ABLIM1: variants seen among roughly 807,000 people sequenced by gnomAD.
The protein encoded by ABLIM1 is actin-binding LIM protein 1.
ABLIM1 carries 40 observed loss-of-function variants against 107.0 expected under a neutral mutation model. The observed-to-expected ratio is 0.37, with a 90% CI of 0.29 to 0.49. The LOEUF (loss-of-function observed/expected upper bound fraction) is 0.49. Among genes scored for constraint, ABLIM1 ranks in the 20% least tolerant of loss-of-function variants. The probability of loss-of-function intolerance (pLI) is 0.97; values close to 1 mark genes in which losing one functional copy is unlikely to be tolerated. For missense variants in ABLIM1, 857 were observed against 1,008.5 expected (o/e 0.85, Z 2.04); for synonymous variants, 357 against 357.3 (o/e 1.00, Z 0.01).
At chr10:114,617,214 G>A (rs568101489) in intron 1 of ABLIM1, among the ~76,000 whole-genome samples, 24 of 150,286 alleles carry the variant, frequency 1.6e-4, no homozygotes, top group African/African-American at 5.9e-4. Flanking sequence ...GTTGAACACT[G>A]TCTCTCTTTC....
intron 14 of ABLIM1, among the ~76,000 whole-genome samples, chr10:114,450,695 G>GCCTC (rs2061739048): frequency 6.6e-6 from 1 of 151,984 alleles, no homozygotes; most frequent in Admixed American, 6.6e-5. Context: ...ACCTGCCTCG[G>GCCTC]CCTCCCACAG....
At chr10:114,521,421 A>G (rs1489015477) in intron 6 of ABLIM1, among the ~76,000 whole-genome samples, 1 of 152,240 alleles carries the variant, frequency 6.6e-6, no homozygotes, top group African/African-American at 2.4e-5. Flanking sequence ...ACAAACAATA[A>G]TTACAACCAT....
At chr10:114,631,573 A>T (rs1360502781) in intron 1 of ABLIM1, among the ~76,000 whole-genome samples, 3 of 151,954 alleles carry the variant, frequency 2.0e-5, no homozygotes, top group Non-Finnish European at 4.4e-5. Context: ...GTGGTAAGAG[A>T]GGAAGAGAAT....
Position 114,715,088 on chromosome 10 carries a change from A to C in ABLIM1, c.-213+52973T>G, listed in dbSNP as rs117573950. 6.9e-3 allele frequency among the ~76,000 whole-genome samples: 1,048 copies of C among 152,370 alleles called. 6 individuals carry two copies. Among genetic ancestry groups the C allele is most frequent in the Middle Eastern group, 0.01 (3 of 294 alleles). On this transcript the variant is annotated intron_variant, in intron 1 of 15. Coordinates refer to the ABLIM1 transcript ENST00000651092. ...GTACATCTAAAATTTCAATAGGCTG[A>C]AAAGTTACTCATTTTTAATATAATA...
At chr10:114,724,365 T>A (rs1225447729) in intron 1 of ABLIM1, among the ~76,000 whole-genome samples, 2 of 152,142 alleles carry the variant, frequency 1.3e-5, no homozygotes, top group African/African-American at 4.8e-5. Flanking sequence ...ACAAAGGCTC[T>A]CAAATGAGAG....
chr10:114,620,465 A>G (rs1351192505), intron 1 of ABLIM1, among the ~76,000 whole-genome samples: 1 of 152,138 alleles, frequency 6.6e-6, no homozygotes, highest in East Asian at 1.9e-4. Flanking sequence ...GCTGGAGTGC[A>G]GTGGCGTGAT....
the ABLIM1 span, among the ~76,000 whole-genome samples, chr10:114,789,314 T>C: frequency 6.6e-6 from 1 of 152,130 alleles, no homozygotes; most frequent in African/African-American, 2.4e-5. Context: ...TTGACCATAC[T>C]CTGCTAATTA....
the ABLIM1 span, among the ~76,000 whole-genome samples, chr10:114,781,434 G>A: frequency 2.0e-5 from 3 of 151,828 alleles, no homozygotes; most frequent in Non-Finnish European, 2.9e-5. Flanking sequence ...AGCCTGGGAG[G>A]TGGAGGTTGC....
intron 6 of ABLIM1, among the ~76,000 whole-genome samples, chr10:114,506,441 G>T (rs2061155208): frequency 6.6e-6 from 1 of 152,184 alleles, no homozygotes; most frequent in Non-Finnish European, 1.5e-5. Context: ...TCTACATGCT[G>T]CTTTCTACAG....
At chr10:114,697,762 T>C (rs935525187) in intron 1 of ABLIM1, among the ~76,000 whole-genome samples, 8 of 152,356 alleles carry the variant, frequency 5.3e-5, no homozygotes, top group Admixed American at 3.9e-4. Context: ...CCTCATATCA[T>C]CAAGTTTTAA....
At chr10:114,553,166 G>A (rs1405452908) in intron 4 of ABLIM1, among the ~76,000 whole-genome samples, 1 of 152,176 alleles carries the variant, frequency 6.6e-6, no homozygotes, top group Non-Finnish European at 1.5e-5. Context: ...CTCTGGAAAA[G>A]AAGGCTGAGG....
chr10:114,772,919 A>G (rs1004682569), upstream of ABLIM1, among the ~76,000 whole-genome samples: 1 of 152,190 alleles, frequency 6.6e-6, no homozygotes, highest in Non-Finnish European at 1.5e-5. Context: ...AATAGAAATA[A>G]CAACTATCAA....
At chr10:114,654,656 C>T (rs185691673) in intron 1 of ABLIM1, among the ~76,000 whole-genome samples, 37 of 152,166 alleles carry the variant, frequency 2.4e-4, no homozygotes, top group African/African-American at 8.0e-4. Flanking sequence ...CTTAGACACA[C>T]GCAAGCAGGG....
intron 1 of ABLIM1, among the ~76,000 whole-genome samples, chr10:114,672,836 G>A (rs548757520): frequency 2.0e-5 from 3 of 152,148 alleles, no homozygotes; most frequent in South Asian, 2.1e-4. Context: ...TAGATATCTC[G>A]TGCTCCAGCA....
chr10:114,772,609 A>G (rs1412298453), upstream of ABLIM1, among the ~76,000 whole-genome samples: 1 of 152,168 alleles, frequency 6.6e-6, no homozygotes, highest in Non-Finnish European at 1.5e-5. Context: ...CCTGTCTCAA[A>G]AAAACACAAA....
At chr10:114,765,498 T>G (rs1315689468) in intron 1 of ABLIM1, among the ~76,000 whole-genome samples, 1 of 152,222 alleles carries the variant, frequency 6.6e-6, no homozygotes, top group Non-Finnish European at 1.5e-5. Flanking sequence ...GTTAGGTACT[T>G]AAGTAGACAC....
chr10:114,794,353 G>A, the ABLIM1 span, among the ~76,000 whole-genome samples: 13 of 152,088 alleles, frequency 8.5e-5, no homozygotes, highest in East Asian at 1.9e-4. Context: ...CATAGACTTC[G>A]TATGTCTTAT....
chr10:114,471,830 T>C (rs1476328739), intron 10 of ABLIM1, among the ~76,000 whole-genome samples: 28 of 152,190 alleles, frequency 1.8e-4, no homozygotes, highest in Admixed American at 1.8e-3. Flanking sequence ...CTTTGTTGAA[T>C]AGCTGATTTG....
In ABLIM1 at chr10:114,564,358, G is replaced by A. The variant is rs531005616; in HGVS notation, c.673+6939C>T. On this transcript the variant is annotated intron_variant, in intron 4 of 22. Coordinates refer to ENST00000533213, the MANE Select transcript of ABLIM1 (RefSeq NM_002313.7). ...CGGCTCACTGCAACCTCCGCCTCCC[G>A]GGTTCAAGCGATTCTTCTCCCTTAG... Among the ~76,000 whole-genome samples the A allele has an allele frequency of 1.9e-3, 284 of 152,082 alleles. 2 individuals carry two copies. The highest frequency in any genetic ancestry group is 6.6e-3 in the African/African-American group (273 of 41,494).
Sources: allele counts gnomAD v4.1 joint callset (sites outside exome capture counted in the v4.1 genomes callset), GRCh38; gene constraint gnomAD v4.1.1; transcripts MANE v1.5; gene names NCBI Gene and HGNC (gene_info 2026-07-23, HGNC 2026-07-21).